GAB1: variants seen among roughly 807,000 people sequenced by gnomAD.
The protein encoded by GAB1 is GRB2 associated binding protein 1.
Under a neutral mutation model 66.5 loss-of-function variants are expected in GAB1, and 19 were observed. The observed-to-expected ratio is 0.29, with a 90% CI of 0.20 to 0.42. The LOEUF (loss-of-function observed/expected upper bound fraction) is 0.42, where lower values mean the gene tolerates loss of function less well. GAB1 is among the 10% of genes least tolerant of loss of function. The probability of loss-of-function intolerance (pLI) is 1.00; values close to 1 mark genes in which losing one functional copy is unlikely to be tolerated. For synonymous variants in GAB1, 294 were observed against 301.4 expected, an observed-to-expected ratio of 0.98 and a Z score of 0.25; for missense variants, 732 against 858.5, an observed-to-expected ratio of 0.85 and a Z score of 1.84.
chr4:143,451,056 C>T (rs533450078), intron 6 of GAB1, among the ~76,000 whole-genome samples: 5 of 152,156 alleles, frequency 3.3e-5, no homozygotes, highest in South Asian at 2.1e-4. Flanking sequence ...AGAAGCTCAC[C>T]GTCCAGGACC....
chr4:143,460,589 T>A, intron 8 of GAB1, 102 bp downstream of exon 8: 2 of 1,058,282 alleles, frequency 1.9e-6, no homozygotes, highest in Non-Finnish European at 2.7e-6. Context: ...TTTATATACT[T>A]AAGAAAAAGC....
At chr4:143,431,959 G>A (rs148756578) in intron 2 of GAB1, among the ~76,000 whole-genome samples, 6 of 152,162 alleles carry the variant, frequency 3.9e-5, no homozygotes, top group East Asian at 1.9e-4. Context: ...AAAAGGCCTC[G>A]CTTTAAAGCT....
In GAB1 at chr4:143,438,453, C is replaced by A; in HGVS notation, c.1048C>A (p.Pro350Thr). 6.2e-7 allele frequency: 1 copy of A among 1,614,094 alleles called. No homozygotes were observed. Among genetic ancestry groups the A allele is most frequent in the Non-Finnish European group, 8.5e-7 (1 of 1,180,010 alleles). ...IPPPRPPKPH[P>T]AHDRSPVETC... ...TCCACCTCGGCCACCGAAACCACATCCAGCTCATGACCGATCTCCTGTGGA... is the reference window on the plus strand; with the variant it reads ...TCCACCTCGGCCACCGAAACCACATACAGCTCATGACCGATCTCCTGTGGA... Residue 350 changes from proline (P) to threonine (T), a missense_variant, in exon 4 of 10, where the codon CCA becomes ACA. Pro to Thr is a conservative substitution (Grantham distance 38). Transcript: ENST00000262994.
intron 1 of GAB1, among the ~76,000 whole-genome samples, chr4:143,362,669 G>A (rs1424338248): frequency 6.6e-6 from 1 of 152,220 alleles, no homozygotes; most frequent in African/African-American, 2.4e-5. Context: ...TATAATTGGT[G>A]TATAATGAGC....
rs192150121 is a variant in GAB1 at position 143,350,720 on chromosome 4, C to T, written c.72+13460C>T. Among the ~76,000 whole-genome samples the T allele has an allele frequency of 3.2e-3, 487 of 150,734 alleles. 4 individuals are homozygous for T. The highest frequency in any genetic ancestry group is 0.011 in the African/African-American group (460 of 41,032). Reference sequence around the variant, plus strand: ...AAAAGAAAGACTTTGTATTTTAGGCCCTGGTAATGGGAAAAAAATTATGTA... The same window carrying T: ...AAAAGAAAGACTTTGTATTTTAGGCTCTGGTAATGGGAAAAAAATTATGTA... On this transcript the variant is annotated intron_variant, in intron 1 of 9. Transcript: ENST00000262994.
intron 1 of GAB1, among the ~76,000 whole-genome samples, chr4:143,409,516 A>C (rs1386396227): frequency 6.6e-6 from 1 of 152,200 alleles, no homozygotes; most frequent in Non-Finnish European, 1.5e-5. Context: ...ATAGAAAAAA[A>C]AAAAGGAATT....
At chr4:143,352,704 G>A (rs1480496435) in intron 1 of GAB1, among the ~76,000 whole-genome samples, 1 of 152,142 alleles carries the variant, frequency 6.6e-6, no homozygotes, top group Admixed American at 6.5e-5. Flanking sequence ...TGGTCCTTAG[G>A]TTATTCTTGG....
chr4:143,409,392 C>CCCT (rs1553949817), intron 1 of GAB1, among the ~76,000 whole-genome samples: 6 of 149,532 alleles, frequency 4.0e-5, no homozygotes, highest in African/African-American at 1.5e-4. Flanking sequence ...ACTTTCCCCC[C>CCCT]CCCCGCTCTG....
chr4:143,385,204 A>G (rs895362026), intron 1 of GAB1, among the ~76,000 whole-genome samples: 3 of 152,178 alleles, frequency 2.0e-5, no homozygotes, highest in Non-Finnish European at 4.4e-5. Context: ...GAGAGCTTAT[A>G]TTTTATATAA....
At chr4:143,447,129 GCTCTGTTCTGTTCCATTGATCTATAT>G (rs1456449451) in intron 6 of GAB1, among the ~76,000 whole-genome samples, 2 of 151,764 alleles carry the variant, frequency 1.3e-5, no homozygotes, top group Non-Finnish European at 2.9e-5. Context: ...ATTTCTGAGG[GCTCTGTTCTGTTCCATTGATCTATAT>G]CTCTGTTTTG....
chr4:143,352,999 C>T (rs1445442621), intron 1 of GAB1, among the ~76,000 whole-genome samples: 2 of 152,090 alleles, frequency 1.3e-5, no homozygotes, highest in African/African-American at 2.4e-5. Context: ...ACCTAACTGT[C>T]GCCAAGAAAC....
chr4:143,417,417 C>CT (rs1057510135), intron 2 of GAB1: 71 of 427,494 alleles, frequency 1.7e-4, no homozygotes, highest in African/African-American at 3.1e-4. Flanking sequence ...TTATTATTTT[C>CT]TTTTTTTTGA....
At chr4:143,456,498 A>G (rs1046841941) in intron 6 of GAB1, among the ~76,000 whole-genome samples, 3 of 152,092 alleles carry the variant, frequency 2.0e-5, no homozygotes, top group African/African-American at 7.2e-5. Context: ...GCTTTAGAAA[A>G]GGGTCCTGCG....
intron 1 of GAB1, among the ~76,000 whole-genome samples, chr4:143,407,705 G>C (rs1319592941): frequency 6.6e-6 from 1 of 152,146 alleles, no homozygotes; most frequent in Non-Finnish European, 1.5e-5. Context: ...AGAGCCAGTG[G>C]AGTGGAAACT....
intron 2 of GAB1, among the ~76,000 whole-genome samples, chr4:143,418,623 GT>G (rs1188785886): frequency 1.3e-5 from 2 of 152,114 alleles, no homozygotes; most frequent in Admixed American, 1.3e-4. Flanking sequence ...GTCTCTGTTG[GT>G]TGTCTGTATA....
chr4:143,394,157 C>T (rs879346994), intron 1 of GAB1, among the ~76,000 whole-genome samples: 1 of 152,046 alleles, frequency 6.6e-6, no homozygotes, highest in Non-Finnish European at 1.5e-5. Context: ...GCCTGTAGTC[C>T]CAGCTACTCA....
intron 3 of GAB1, among the ~76,000 whole-genome samples, chr4:143,435,892 C>T (rs1396872135): frequency 6.6e-6 from 1 of 152,160 alleles, no homozygotes; most frequent in Non-Finnish European, 1.5e-5. Flanking sequence ...GCTTAAATAT[C>T]TTTCTGGGTT....
chr4:143,465,681 C>G (rs1020648448), intron 8 of GAB1, among the ~76,000 whole-genome samples: 8 of 152,180 alleles, frequency 5.3e-5, no homozygotes, highest in African/African-American at 1.9e-4. Context: ...ATGATTGAAA[C>G]AAAATACACT....
At chr4:143,379,047 A>G (rs919365158) in intron 1 of GAB1, among the ~76,000 whole-genome samples, 3 of 152,248 alleles carry the variant, frequency 2.0e-5, no homozygotes, top group African/African-American at 7.2e-5. Context: ...CTGGTAGAAA[A>G]TGTGTTATGA....
Sources: gnomAD v4.1 joint callset for allele counts (sites outside exome capture counted in the v4.1 genomes callset) on GRCh38, gnomAD v4.1.1 for gene constraint, MANE v1.5 for transcripts, NCBI Gene and HGNC (gene_info 2026-07-23, HGNC 2026-07-21) for gene names.